Variants in ANKRD31 observed in about 807,000 individuals in gnomAD.
ANKRD31 encodes the protein ankyrin repeat domain 31.
ANKRD31 carries 147 observed loss-of-function variants against 186.0 expected under a neutral mutation model. The ratio of observed to expected loss-of-function variants is 0.79; its 90% CI spans 0.69 to 0.91. ANKRD31 has a LOEUF of 0.91. ANKRD31 is among the 40% of genes least tolerant of loss of function. ANKRD31 has a pLI of 0.00. For missense variants in ANKRD31, 1,986 were observed against 2,148.8 expected, an observed-to-expected ratio of 0.92 and a Z score of 1.50; for synonymous variants, 673 against 736.4, an observed-to-expected ratio of 0.91 and a Z score of 1.39.
chr5:75,123,728 G>GA (rs1748978985), intron 17 of ANKRD31, among the ~76,000 whole-genome samples: 1 of 152,024 alleles, frequency 6.6e-6, no homozygotes, highest in Non-Finnish European at 1.5e-5. Flanking sequence ...ATAGTGTTGG[G>GA]AAAATTGGAT....
In ANKRD31 at chr5:75,236,580, C is replaced by T. The variant is rs1261232874; in HGVS notation, c.104+3G>A. 2 of 1,536,724 alleles carry T rather than the reference C, an allele frequency of 1.3e-6. No individual in the cohort carries two copies. Among genetic ancestry groups the T allele is most frequent in the South Asian group, 2.4e-5 (2 of 83,982 alleles). ...CAGGCACTGTGGCCCTAATGATGGT[C>T]ACCTTCTCCAGGGCAGCTCCTTTTC... On this transcript the variant is annotated splice_donor_region_variant and intron_variant, in intron 1 of 25. Transcript: ENST00000506364.
intron 11 of ANKRD31, among the ~76,000 whole-genome samples, chr5:75,159,976 T>C (rs73129052): frequency 0.049 from 7,425 of 152,064 alleles, 391 homozygotes; most frequent in African/African-American, 0.13. Flanking sequence ...TAAAGCTGAA[T>C]TGGAGTAAAA....
intron 3 of ANKRD31, among the ~76,000 whole-genome samples, chr5:75,215,181 A>T (rs952725369): frequency 1.3e-5 from 2 of 152,158 alleles, no homozygotes; most frequent in Admixed American, 6.5e-5. Context: ...TCTGCTGTAG[A>T]ATTCTCTCTT....
intron 8 of ANKRD31, among the ~76,000 whole-genome samples, 176 bp from the exon 9 acceptor site, chr5:75,192,952 C>T (rs1755212696): frequency 6.6e-6 from 1 of 152,154 alleles, no homozygotes; most frequent in South Asian, 2.1e-4. Flanking sequence ...CTGCAGCAGG[C>T]ATGCCAGTCA....
At chr5:75,221,334 CA>C (rs777088337) in intron 3 of ANKRD31, among the ~76,000 whole-genome samples, 2 of 152,002 alleles carry the variant, frequency 1.3e-5, no homozygotes, top group Non-Finnish European at 2.9e-5. Flanking sequence ...TTTTAAAAGA[CA>C]AAAAAAGTAA....
At chr5:75,234,846 A>G (rs1758161220) in intron 1 of ANKRD31, among the ~76,000 whole-genome samples, 2 of 151,000 alleles carry the variant, frequency 1.3e-5, no homozygotes, top group Non-Finnish European at 2.9e-5. Flanking sequence ...TTTTTTTAAC[A>G]TTTACATCTT....
At chr5:75,160,902 G>A (rs1436042499) in intron 11 of ANKRD31, among the ~76,000 whole-genome samples, 2 of 152,128 alleles carry the variant, frequency 1.3e-5, no homozygotes, top group Non-Finnish European at 2.9e-5. Context: ...CATGTAAGAA[G>A]TGCTTTTCCC....
At chr5:75,086,724 G>T (rs1486900746) in intron 23 of ANKRD31, among the ~76,000 whole-genome samples, 1 of 152,204 alleles carries the variant, frequency 6.6e-6, no homozygotes, top group Non-Finnish European at 1.5e-5. Context: ...TTGCTAAAAG[G>T]TAGAACTGGA....
At chr5:75,227,850 A>G (rs1023351826) in intron 2 of ANKRD31, among the ~76,000 whole-genome samples, 2 of 152,196 alleles carry the variant, frequency 1.3e-5, no homozygotes, top group African/African-American at 4.8e-5. Context: ...CTGTCTGATC[A>G]GCAGCAGCAT....
intron 22 of ANKRD31, among the ~76,000 whole-genome samples, chr5:75,103,991 G>A (rs893021981): frequency 8.5e-5 from 13 of 152,110 alleles, no homozygotes; most frequent in Non-Finnish European, 1.3e-4. Context: ...TCCTGCACAT[G>A]TATCCTGGAA....
intron 5 of ANKRD31, among the ~76,000 whole-genome samples, 129 bp downstream of exon 5, chr5:75,206,253 ATATATATATATATATATATATATATATAT>A (rs1311054610): frequency 6.1e-4 from 1 of 1,652 alleles, no homozygotes; most frequent in African/African-American, 3.3e-3. Flanking sequence ...AAAAAAATAT[ATATATATATATATATATATATATATATAT>A]ATATATATAT....
chr5:75,212,506 C>T (rs971276896), intron 3 of ANKRD31, among the ~76,000 whole-genome samples: 2 of 152,092 alleles, frequency 1.3e-5, no homozygotes, highest in African/African-American at 4.8e-5. Flanking sequence ...GTTGCCCATG[C>T]CTATAGTTCC....
At chr5:75,219,717 G>A (rs1288323992) in intron 3 of ANKRD31, among the ~76,000 whole-genome samples, 1 of 152,188 alleles carries the variant, frequency 6.6e-6, no homozygotes, top group African/African-American at 2.4e-5. Context: ...AAAGCTGGAG[G>A]AATCACATTG....
At position 75,161,977 on chromosome 5, in the gene ANKRD31, G is replaced by A. The variant is rs150209183; in HGVS notation, c.1707+7002C>T. ...AGGCAAAAGTTTGCTGCAAGGGCAG[G>A]GCCCTCATGGAGAACCTCTGCTAGG... is the stretch of plus-strand genomic sequence containing the variant. On this transcript the variant is annotated intron_variant, in intron 11 of 25. Transcript: ENST00000506364. 3.0e-3 allele frequency among the ~76,000 whole-genome samples: 458 copies of A among 152,312 alleles called. 3 individuals carry two copies. Among genetic ancestry groups the A allele is most frequent in the African/African-American group, 9.8e-3 (408 of 41,570 alleles).
intron 2 of ANKRD31, among the ~76,000 whole-genome samples, chr5:75,224,727 A>G (rs1394958422): frequency 6.6e-6 from 1 of 152,178 alleles, no homozygotes; most frequent in East Asian, 1.9e-4. Flanking sequence ...TTTTGAGGTC[A>G]CTGAAGTATT....
At chr5:75,119,430 A>AT (rs758753590) in intron 17 of ANKRD31, among the ~76,000 whole-genome samples, 88 of 152,286 alleles carry the variant, frequency 5.8e-4, no homozygotes, top group African/African-American at 5.1e-4. Context: ...AAAGGACATG[A>AT]TTTTTTGTTT....
At chr5:75,100,407 G>C (rs554570982) in intron 22 of ANKRD31, among the ~76,000 whole-genome samples, 1 of 152,274 alleles carries the variant, frequency 6.6e-6, no homozygotes, top group African/African-American at 2.4e-5. Context: ...CTGTTGATTT[G>C]GGGTGGAGAG....
chr5:75,075,846 T>C (rs147767548), intron 25 of ANKRD31, among the ~76,000 whole-genome samples: 308 of 152,264 alleles, frequency 2.0e-3, no homozygotes, highest in African/African-American at 7.2e-3. Flanking sequence ...TTCAATATCA[T>C]TTATAGGATG....
Position 75,147,121 on chromosome 5 carries a change from T to A in ANKRD31, c.2290A>T (p.Thr764Ser). The change falls in exon 14 of 26, where the codon ACC becomes TCC. Residue 764 changes from threonine to serine, a missense_variant. Thr to Ser is a moderately conservative substitution (Grantham distance 58). Transcript: ENST00000506364. Reference sequence around the variant, plus strand: ...GTTTCTGGAATATGCTGCTGATAGGTAACCAATCTGTTTATTCTCCTGGAA... The same window carrying A: ...GTTTCTGGAATATGCTGCTGATAGGAAACCAATCTGTTTATTCTCCTGGAA... ...SPSRRINRLVTYQQHIPETHN... is the reference protein window; with the variant it reads ...SPSRRINRLVSYQQHIPETHN... 6.5e-7 allele frequency: 1 copy of A among 1,536,382 alleles called. No individual in the cohort carries two copies. Among genetic ancestry groups the A allele is most frequent in the Non-Finnish European group, 8.7e-7 (1 of 1,146,336 alleles).
Sources: gnomAD v4.1 joint callset for allele counts (sites outside exome capture counted in the v4.1 genomes callset) on GRCh38, gnomAD v4.1.1 for gene constraint, MANE v1.5 for transcripts, NCBI Gene and HGNC (gene_info 2026-07-23, HGNC 2026-07-21) for gene names.